Variants in MAPK4 observed in about 807,000 individuals in gnomAD.
MAPK4 encodes the protein mitogen-activated protein kinase 4, also known as Erk3-related.
A neutral mutation model predicts 47.7 loss-of-function variants in MAPK4; 22 were observed. The observed-to-expected ratio is 0.46, with a 90% CI of 0.33 to 0.66. The LOEUF (loss-of-function observed/expected upper bound fraction) is 0.66. Ranked by LOEUF, MAPK4 falls within the 30% of genes least tolerant of loss-of-function variation. MAPK4 has a pLI of 0.02. For missense variants in MAPK4, 736 were observed against 831.7 expected (o/e 0.88, Z 1.42); for synonymous variants, 390 against 365.7 (o/e 1.07, Z -0.76).
At chr18:50,563,382 T>TG (rs2042170718) in intron 1 of MAPK4, among the ~76,000 whole-genome samples, 1 of 152,236 alleles carries the variant, frequency 6.6e-6, no homozygotes, top group Non-Finnish European at 1.5e-5. Context: ...GATCTTCCTC[T>TG]GGAATAGTTT....
At chr18:50,590,012 T>G (rs1393774003) in intron 1 of MAPK4, among the ~76,000 whole-genome samples, 1 of 152,228 alleles carries the variant, frequency 6.6e-6, no homozygotes, top group East Asian at 1.9e-4. Flanking sequence ...CTGCATAAGA[T>G]TGCTTCCCTG....
intron 1 of MAPK4, among the ~76,000 whole-genome samples, chr18:50,573,824 T>C (rs533801675): frequency 2.7e-3 from 414 of 152,356 alleles, no homozygotes; most frequent in African/African-American, 9.2e-3. Context: ...GTGTAACTTA[T>C]ATTCTGCAGC....
chr18:50,575,253 A>T (rs146002404), intron 1 of MAPK4, among the ~76,000 whole-genome samples: 14 of 152,342 alleles, frequency 9.2e-5, no homozygotes, highest in African/African-American at 3.4e-4. Flanking sequence ...TTGGAAGCAG[A>T]GACTAGACCC....
chr18:50,590,376 C>T (rs1465994506), intron 1 of MAPK4, among the ~76,000 whole-genome samples: 1 of 152,164 alleles, frequency 6.6e-6, no homozygotes, highest in Non-Finnish European at 1.5e-5. Flanking sequence ...TGACTTTCTC[C>T]TTGGAGGAGG....
intron 2 of MAPK4, among the ~76,000 whole-genome samples, chr18:50,692,129 A>G (rs1909251715): frequency 6.6e-6 from 1 of 152,188 alleles, no homozygotes; most frequent in Non-Finnish European, 1.5e-5. Context: ...TTTCCAGGTA[A>G]AAGATTCTTC....
At chr18:50,667,161 C>T (rs555616848) in intron 2 of MAPK4, among the ~76,000 whole-genome samples, 28 of 152,304 alleles carry the variant, frequency 1.8e-4, no homozygotes, top group African/African-American at 6.7e-4. Flanking sequence ...TCTTCTAAGA[C>T]TCATCACTCT....
chr18:50,681,257 T>A (rs1463606156), intron 2 of MAPK4, among the ~76,000 whole-genome samples: 3 of 152,220 alleles, frequency 2.0e-5, no homozygotes, highest in Non-Finnish European at 2.9e-5. Flanking sequence ...ATTGGGTTTT[T>A]AAAATTATTG....
intron 1 of MAPK4, among the ~76,000 whole-genome samples, chr18:50,578,084 G>T (rs2042313443): frequency 6.6e-6 from 1 of 152,196 alleles, no homozygotes; most frequent in Non-Finnish European, 1.5e-5. Context: ...AGCACAGACT[G>T]CATGTGTTGC....
At chr18:50,707,440 C>T (rs141502096) in intron 2 of MAPK4, among the ~76,000 whole-genome samples, 27 of 151,976 alleles carry the variant, frequency 1.8e-4, no homozygotes, top group African/African-American at 6.0e-4. Flanking sequence ...CATGGTGGCC[C>T]GCACCTGTAG....
intron 2 of MAPK4, among the ~76,000 whole-genome samples, chr18:50,683,773 C>T (rs1908716460): frequency 6.6e-6 from 1 of 152,080 alleles, no homozygotes; most frequent in Non-Finnish European, 1.5e-5. Context: ...GAAGTTTCCT[C>T]CCTCCCAGAG....
rs116544911 is a variant in MAPK4, at chr18:50,691,290, G to A, written c.547-23789G>A. On this transcript the variant is annotated intron_variant, in intron 2 of 5. Coordinates refer to ENST00000400384, the MANE Select transcript of MAPK4 (RefSeq NM_002747.4). ...ATTACAGGTGTGAGCCACCACACCC[G>A]GCCAAAAAATACAAATCTAAATGCA... Among the ~76,000 whole-genome samples the A allele has an allele frequency of 3.7e-3, 567 of 151,906 alleles. 3 individuals are homozygous for A. The highest frequency in any genetic ancestry group is 0.013 in the African/African-American group (535 of 41,444).
At chr18:50,636,236 G>A (rs376011420) in intron 1 of MAPK4, among the ~76,000 whole-genome samples, 8 of 152,182 alleles carry the variant, frequency 5.3e-5, no homozygotes, top group African/African-American at 9.7e-5. Context: ...CTCTCGCAAC[G>A]TCAGGGTCAC....
At chr18:50,645,202 C>T (rs760290831) in intron 1 of MAPK4, among the ~76,000 whole-genome samples, 12 of 152,256 alleles carry the variant, frequency 7.9e-5, no homozygotes, top group Middle Eastern at 6.8e-3. Flanking sequence ...TGAATGCCAA[C>T]GCGCCATCCA....
chr18:50,694,081 A>T (rs1909376572), intron 2 of MAPK4, among the ~76,000 whole-genome samples: 1 of 152,230 alleles, frequency 6.6e-6, no homozygotes, highest in Admixed American at 6.5e-5. Context: ...GGGAAAATCA[A>T]AAAGGTCCTA....
chr18:50,651,220 A>G (rs1273175985), intron 1 of MAPK4, among the ~76,000 whole-genome samples: 1 of 152,082 alleles, frequency 6.6e-6, no homozygotes, highest in Non-Finnish European at 1.5e-5. Context: ...CCCACTGCCC[A>G]TCTCCCTGGG....
intron 1 of MAPK4, among the ~76,000 whole-genome samples, chr18:50,649,494 A>G (rs183744234): frequency 1.2e-4 from 18 of 152,234 alleles, no homozygotes; most frequent in African/African-American, 3.4e-4. Context: ...GTGGGAAGTG[A>G]TCAACACAGG....
At chr18:50,608,055 C>A (rs995636158) in intron 1 of MAPK4, among the ~76,000 whole-genome samples, 14 of 152,098 alleles carry the variant, frequency 9.2e-5, no homozygotes, top group African/African-American at 3.4e-4. Flanking sequence ...TAAAATTATA[C>A]CTTTCCCTAA....
chr18:50,623,228 G>A (rs763926219), intron 1 of MAPK4, among the ~76,000 whole-genome samples: 5 of 152,206 alleles, frequency 3.3e-5, no homozygotes, highest in Admixed American at 6.5e-5. Context: ...AGTCTCAGGC[G>A]GGGAGTGGTT....
intron 2 of MAPK4, among the ~76,000 whole-genome samples, chr18:50,676,248 T>C (rs1255965916): frequency 6.6e-6 from 1 of 152,222 alleles, no homozygotes; most frequent in African/African-American, 2.4e-5. Flanking sequence ...TGTCACATAA[T>C]CTTATCCCTT....
Sources: gnomAD v4.1 joint callset for allele counts (sites outside exome capture counted in the v4.1 genomes callset) on GRCh38, gnomAD v4.1.1 for gene constraint, MANE v1.5 for transcripts, NCBI Gene and HGNC (gene_info 2026-07-23, HGNC 2026-07-21) for gene names.